ZNF362: variants seen among roughly 807,000 people sequenced by gnomAD.
The protein encoded by ZNF362 is zinc finger protein 362, also known as rotund homolog.
In ZNF362, 11 loss-of-function variants were observed where a neutral mutation model predicts 42.9. The ratio of observed to expected loss-of-function variants is 0.26; its 90% confidence interval spans 0.16 to 0.42. The LOEUF is 0.42. Ranked by LOEUF, ZNF362 falls within the 20% of genes least tolerant of loss-of-function variation. The pLI is 1.00. For synonymous variants in ZNF362, 255 were observed against 257.3 expected, an observed-to-expected ratio of 0.99 and a Z score of 0.09; for missense variants, 362 against 576.2, an observed-to-expected ratio of 0.63 and a Z score of 3.81.
At chr1:33,209,754 G>A in the ZNF362 span, among the ~76,000 whole-genome samples, 1 of 152,242 alleles carries the variant, frequency 6.6e-6, no homozygotes, top group Admixed American at 6.5e-5. Flanking sequence ...GTATTTCTGT[G>A]GGATCGGTGG....
chr1:33,243,421 G>A, the ZNF362 span, among the ~76,000 whole-genome samples: 1 of 151,618 alleles, frequency 6.6e-6, no homozygotes, highest in Non-Finnish European at 1.5e-5. Context: ...CCTGACCTCA[G>A]GTGATCCGCC....
In ZNF362 at chr1:33,287,960, A is replaced by C. The variant is rs373021727; in HGVS notation, c.908+6149A>C. Among the ~76,000 whole-genome samples, 32 of 152,378 alleles carry C rather than the reference A, an allele frequency of 2.1e-4. 1 individual carries two copies. Among genetic ancestry groups the C allele is most frequent in the African/African-American group, 7.0e-4 (29 of 41,600 alleles). On this transcript the variant is annotated intron_variant, in intron 6 of 8. Transcript: ENST00000539719. ...TTTTAGTTAAAAAACACGACATGCCAAAAGCCATATCATGGCTGAGAAATA... is the reference window on the plus strand; with the variant it reads ...TTTTAGTTAAAAAACACGACATGCCCAAAGCCATATCATGGCTGAGAAATA...
the ZNF362 span, among the ~76,000 whole-genome samples, chr1:33,191,576 T>C: frequency 6.6e-6 from 1 of 152,066 alleles, no homozygotes; most frequent in Non-Finnish European, 1.5e-5. Context: ...ACGATCTTGG[T>C]TCACTGCAAC....
At chr1:33,228,954 A>C in the ZNF362 span, among the ~76,000 whole-genome samples, 4 of 152,138 alleles carry the variant, frequency 2.6e-5, no homozygotes, top group East Asian at 7.7e-4. Flanking sequence ...CAGCCACCCC[A>C]GCCTTCCTTG....
At chr1:33,144,204 T>C in the ZNF362 span, among the ~76,000 whole-genome samples, 1 of 151,426 alleles carries the variant, frequency 6.6e-6, no homozygotes, top group Non-Finnish European at 1.5e-5. Context: ...TGGCGCGATC[T>C]CCAGCTCACC....
At chr1:33,182,936 C>T in the ZNF362 span, among the ~76,000 whole-genome samples, 1 of 152,092 alleles carries the variant, frequency 6.6e-6, no homozygotes, top group African/African-American at 2.4e-5. Flanking sequence ...TTCAGGAAGT[C>T]TTGGAGATAA....
At chr1:33,253,659 C>G (rs375528782), upstream of ZNF362, among the ~76,000 whole-genome samples, 2 of 152,070 alleles carry the variant, frequency 1.3e-5, no homozygotes, top group Non-Finnish European at 2.9e-5. Flanking sequence ...GATCCTGTCT[C>G]CCATCTGCCT....
At position 33,300,570 on chromosome 1, in the gene ZNF362, A is replaced by G. The variant is rs1196050525; in HGVS notation, c.*1524A>G. 1 of 152,146 alleles carries G rather than the reference A, an allele frequency of 6.6e-6. No homozygotes were observed. The highest frequency in any genetic ancestry group is 2.4e-5 in the African/African-American group (1 of 41,410). The allele number at this position is 152,146 out of a possible 1,614,324, so 9.4% of individuals were successfully genotyped here. On this transcript the variant is annotated 3_prime_UTR_variant, in exon 9 of 9. Transcript: ENST00000539719. The stretch of plus-strand genomic sequence containing the variant: ...TGCCCCTCAGACACTTCAGGAAGGT[A>G]GTTTGCATTCTATTTAAAAAAGGGA...
chr1:33,145,761 C>T, the ZNF362 span: 1 of 436,074 alleles, frequency 2.3e-6, no homozygotes, highest in African/African-American at 2.0e-5. Context: ...GGCAGGACAA[C>T]CCTAGATGTG....
the ZNF362 span, chr1:33,143,182 T>C: frequency 3.3e-5 from 5 of 152,146 alleles, no homozygotes; most frequent in African/African-American, 1.2e-4. Flanking sequence ...ATCAAATATA[T>C]CTCTTGGAGA....
chr1:33,174,945 GTATATATATATA>G, the ZNF362 span, among the ~76,000 whole-genome samples: 2 of 141,728 alleles, frequency 1.4e-5, no homozygotes, highest in Non-Finnish European at 3.0e-5. Flanking sequence ...ATATATGTGT[GTATATATATATA>G]TATATATATA....
chr1:33,294,910 T>G lies in ZNF362; in HGVS notation c.909-27T>G, dbSNP rs1305777883. 3.1e-6 allele frequency: 5 copies of G among 1,613,726 alleles called. No individual in the cohort carries two copies. The highest frequency in any genetic ancestry group is 4.2e-6 in the Non-Finnish European group (5 of 1,179,846). On this transcript the variant is annotated intron_variant, in intron 6 of 8. Transcript: ENST00000539719. This position sits in a 1 kb window ranked among gnomAD's most constrained non-coding sequence, Gnocchi z 4.2. ...GGTCTTGGGGTGTGTGTCAGGGACT[T>G]CGACCTTACTGGGCTGCCCATTACA...
the ZNF362 span, among the ~76,000 whole-genome samples, chr1:33,140,652 G>C: frequency 7.2e-5 from 11 of 152,316 alleles, no homozygotes; most frequent in South Asian, 2.3e-3. This position sits in a 1 kb window ranked among gnomAD's most constrained non-coding sequence, Gnocchi z 4.0. Flanking sequence ...CACTTACCTG[G>C]GACTCCCTGC....
chr1:33,133,523 A>G, the ZNF362 span, among the ~76,000 whole-genome samples: 7 of 152,322 alleles, frequency 4.6e-5, no homozygotes, highest in African/African-American at 1.4e-4. Flanking sequence ...CACGTTTTCC[A>G]TTTATACAGC....
At chr1:33,261,793 G>C (rs1645829403) in intron 1 of ZNF362, 1 of 152,244 alleles carries the variant, frequency 6.6e-6, no homozygotes, top group Non-Finnish European at 1.5e-5. Flanking sequence ...AAACTGAAGT[G>C]GGAAGGGAGA....
intron 6 of ZNF362, among the ~76,000 whole-genome samples, chr1:33,290,299 T>C (rs1325419052): frequency 6.6e-6 from 1 of 151,920 alleles, no homozygotes; most frequent in African/African-American, 2.4e-5. Context: ...CACCTATGAG[T>C]GAGAACATGC....
chr1:33,147,128 C>T, the ZNF362 span: 10 of 1,585,642 alleles, frequency 6.3e-6, no homozygotes, highest in Non-Finnish European at 8.6e-6. This position sits in a 1 kb window ranked among gnomAD's most constrained non-coding sequence, Gnocchi z 8.1. Flanking sequence ...GGGCAGGGCT[C>T]TTGCAGGTGG....
the ZNF362 span, among the ~76,000 whole-genome samples, chr1:33,140,469 A>C: frequency 6.6e-6 from 1 of 152,194 alleles, no homozygotes; most frequent in Non-Finnish European, 1.5e-5. This position sits in a 1 kb window ranked among gnomAD's most constrained non-coding sequence, Gnocchi z 4.0. Context: ...GACCTGCGGT[A>C]TGTGGTAAGC....
At chr1:33,196,805 CAT>C in the ZNF362 span, among the ~76,000 whole-genome samples, 10 of 152,290 alleles carry the variant, frequency 6.6e-5, no homozygotes, top group East Asian at 3.9e-4. Context: ...TCACTACAAA[CAT>C]GTGAGTAATA....
Sources: gnomAD v4.1 joint callset for allele counts (sites outside exome capture counted in the v4.1 genomes callset) on GRCh38, gnomAD v4.1.1 for gene constraint, Gnocchi (gnomAD v3.1) non-coding constraint, MANE v1.5 for transcripts, NCBI Gene and HGNC (gene_info 2026-07-23, HGNC 2026-07-21) for gene names.